GLIS3: variants seen among roughly 807,000 people sequenced by gnomAD.
GLIS3 encodes the protein zinc finger protein GLIS3.
In GLIS3, 53 loss-of-function variants were observed where a neutral mutation model predicts 78.6. The ratio of observed to expected loss-of-function variants is 0.67; its 90% CI spans 0.54 to 0.85. GLIS3 has a LOEUF of 0.85. GLIS3 is among the 40% of genes least tolerant of loss of function. GLIS3 has a pLI of 0.00. For missense variants in GLIS3, 1,703 were observed against 1,231.1 expected, an observed-to-expected ratio of 1.38 and a Z score of -5.74; for synonymous variants, 684 against 509.9, an observed-to-expected ratio of 1.34 and a Z score of -4.60.
intron 6 of GLIS3, among the ~76,000 whole-genome samples, chr9:3,917,510 C>G (rs1824598527): frequency 6.6e-6 from 1 of 152,326 alleles, no homozygotes; most frequent in Non-Finnish European, 1.5e-5. Flanking sequence ...CATAATAAAA[C>G]TCCTTTTTAA....
chr9:3,843,374 C>T (rs1431694489), intron 9 of GLIS3, among the ~76,000 whole-genome samples: 4 of 152,126 alleles, frequency 2.6e-5, no homozygotes, highest in African/African-American at 9.7e-5. Context: ...TAGGCTTCCC[C>T]AAAACCTACT....
intron 4 of GLIS3, among the ~76,000 whole-genome samples, chr9:3,989,172 G>A (rs1176503907): frequency 1.3e-5 from 2 of 151,998 alleles, no homozygotes; most frequent in African/African-American, 2.4e-5. Context: ...ATCATCAGGG[G>A]AAGGCAAATT....
chr9:4,232,883 C>A (rs989955443), intron 2 of GLIS3, among the ~76,000 whole-genome samples: 2 of 152,076 alleles, frequency 1.3e-5, no homozygotes, highest in Non-Finnish European at 2.9e-5. Context: ...TTTGACCATC[C>A]CAAAGAGCAG....
the GLIS3 span, among the ~76,000 whole-genome samples, chr9:4,475,218 AATAC>A: frequency 1.3e-5 from 2 of 152,138 alleles, no homozygotes; most frequent in South Asian, 2.1e-4. Flanking sequence ...GGGTATTTGA[AATAC>A]ATATGTCCAG....
At chr9:4,384,352 A>C in the GLIS3 span, among the ~76,000 whole-genome samples, 1 of 151,196 alleles carries the variant, frequency 6.6e-6, no homozygotes, top group Non-Finnish European at 1.5e-5. Flanking sequence ...GAAAAAAAAA[A>C]ACTTTTTAGA....
chr9:4,367,451 C>T, the GLIS3 span, among the ~76,000 whole-genome samples: 1 of 151,850 alleles, frequency 6.6e-6, no homozygotes, highest in African/African-American at 2.4e-5. Context: ...TGCTTGATCC[C>T]CCTGGGCCTC....
At chr9:4,252,712 C>A (rs767015953) in intron 2 of GLIS3, among the ~76,000 whole-genome samples, 1 of 152,132 alleles carries the variant, frequency 6.6e-6, no homozygotes, top group African/African-American at 2.4e-5. Context: ...GAATTTTCAG[C>A]CTTTTTGTGC....
intron 6 of GLIS3, among the ~76,000 whole-genome samples, chr9:3,900,677 T>TTA (rs1823228714): frequency 2.0e-5 from 3 of 152,222 alleles, no homozygotes; most frequent in East Asian, 3.9e-4. Flanking sequence ...ACTCAAAGTT[T>TTA]TATATATATA....
chr9:4,387,686 A>C, the GLIS3 span, among the ~76,000 whole-genome samples: 1 of 152,194 alleles, frequency 6.6e-6, no homozygotes, highest in Non-Finnish European at 1.5e-5. Flanking sequence ...CACTCATTTG[A>C]CTAAGCAATT....
chr9:4,040,295 CAAA>C (rs1273704110), intron 4 of GLIS3, among the ~76,000 whole-genome samples: 1 of 116,266 alleles, frequency 8.6e-6, no homozygotes, highest in Non-Finnish European at 1.9e-5. Context: ...GTAAAAAAAA[CAAA>C]AAACAAAAAA....
At chr9:4,357,937 A>G in the GLIS3 span, among the ~76,000 whole-genome samples, 1 of 152,306 alleles carries the variant, frequency 6.6e-6, no homozygotes, top group East Asian at 1.9e-4. Context: ...CCACCATTAG[A>G]GGGTCATTAA....
chr9:4,098,142 ATCTC>A (rs1830103060), intron 4 of GLIS3, among the ~76,000 whole-genome samples: 1 of 152,196 alleles, frequency 6.6e-6, no homozygotes, highest in Non-Finnish European at 1.5e-5. Flanking sequence ...ACAAATTCCC[ATCTC>A]TCAGGATCTC....
intron 2 of GLIS3, among the ~76,000 whole-genome samples, chr9:4,236,571 G>C (rs1172285401): frequency 2.6e-5 from 4 of 152,192 alleles, no homozygotes; most frequent in Non-Finnish European, 5.9e-5. Flanking sequence ...GAAAACCTGG[G>C]TGGAAAAAAA....
chr9:4,374,835 AAC>A, the GLIS3 span, among the ~76,000 whole-genome samples: 1 of 152,270 alleles, frequency 6.6e-6, no homozygotes, highest in Non-Finnish European at 1.5e-5. Context: ...ATCTGCCATC[AAC>A]ACACATGCAC....
the GLIS3 span, among the ~76,000 whole-genome samples, chr9:4,394,730 T>G: frequency 2.6e-5 from 4 of 152,222 alleles, no homozygotes; most frequent in African/African-American, 7.2e-5. Flanking sequence ...CTACGTTTGT[T>G]TTTGCCGAGT....
At chr9:3,916,618 T>A (rs1359779795) in intron 6 of GLIS3, among the ~76,000 whole-genome samples, 1 of 152,198 alleles carries the variant, frequency 6.6e-6, no homozygotes, top group African/African-American at 2.4e-5. Flanking sequence ...GGTGCCTGAT[T>A]TATATTTCAT....
At chr9:4,068,962 C>T (rs928449995) in intron 4 of GLIS3, among the ~76,000 whole-genome samples, 4 of 151,930 alleles carry the variant, frequency 2.6e-5, no homozygotes, top group African/African-American at 9.7e-5. Context: ...AAAAAATCAA[C>T]CGTAATGTAA....
At chr9:3,995,349 C>T (rs955148954) in intron 4 of GLIS3, among the ~76,000 whole-genome samples, 1 of 152,090 alleles carries the variant, frequency 6.6e-6, no homozygotes, top group African/African-American at 2.4e-5. Context: ...ATGACAACTA[C>T]TCCATGGAAG....
intron 2 of GLIS3, among the ~76,000 whole-genome samples, chr9:4,195,318 T>C (rs1818717508): frequency 1.3e-5 from 2 of 151,610 alleles, no homozygotes; most frequent in South Asian, 4.2e-4. Flanking sequence ...GGGTGGGAAC[T>C]GGGGCTGTGC....
Sources: allele counts gnomAD v4.1 joint callset (sites outside exome capture counted in the v4.1 genomes callset), GRCh38; gene constraint gnomAD v4.1.1; transcripts MANE v1.5; gene names NCBI Gene and HGNC (gene_info 2026-07-23, HGNC 2026-07-21).